The following TPTE variants were observed in gnomAD, a reference collection of about 807,000 sequenced individuals.
TPTE encodes transmembrane phosphatase with tensin homology.
In TPTE, 59 loss-of-function variants were observed where a neutral mutation model predicts 84.1. That is an observed-to-expected ratio of 0.70 (90% CI 0.57 to 0.87). The LOEUF (loss-of-function observed/expected upper bound fraction) is 0.87, where lower values mean the gene tolerates loss of function less well. Among genes scored for constraint, TPTE ranks in the 40% least tolerant of loss-of-function variants. The probability of loss-of-function intolerance (pLI) is 0.00; values close to 1 mark genes in which losing one functional copy is unlikely to be tolerated. For missense variants in TPTE, 382 were observed against 659.6 expected (o/e 0.58, Z 4.61); for synonymous variants, 130 against 223.5 (o/e 0.58, Z 3.73).
chr21:10,587,630 A>G (rs1203549446), intron 17 of TPTE, among the ~76,000 whole-genome samples: 3 of 152,290 alleles, frequency 2.0e-5, no homozygotes, highest in African/African-American at 7.2e-5. Context: ...GCTCACTGCA[A>G]CCTCCACCTC....
At chr21:10,556,290 G>T (rs1337203248) in intron 8 of TPTE, among the ~76,000 whole-genome samples, 5 of 152,310 alleles carry the variant, frequency 3.3e-5, no homozygotes, top group Admixed American at 6.5e-5. Flanking sequence ...AGAACATGCA[G>T]TGTTTGGTTT....
intron 9 of TPTE, 49 bp downstream of exon 9, chr21:10,559,593 G>A (rs564800167): frequency 1.2e-6 from 2 of 1,611,488 alleles, no homozygotes; most frequent in African/African-American, 2.7e-5. Context: ...CTGAGACTTG[G>A]CTGGGCACGG....
Position 10,574,770 on chromosome 21 carries a change from C to A in TPTE, c.796-2690C>A, listed in dbSNP as rs375743023. Among the ~76,000 whole-genome samples the A allele has an allele frequency of 1.8e-3, 279 of 151,806 alleles. No homozygotes were observed. The East Asian group carries it at 0.021, about 11-fold the overall frequency. On this transcript the variant is annotated intron_variant, in intron 14 of 23. Transcript: ENST00000618007. ...CCTGCCCGGGAAACCGTGTTTCTCT[C>A]ATGGATCTTTGCAAGCCGTGGATCA... is the stretch of plus-strand genomic sequence containing the variant.
At chr21:10,545,760 T>C (rs1333413891) in intron 7 of TPTE, among the ~76,000 whole-genome samples, 6 of 151,766 alleles carry the variant, frequency 4.0e-5, no homozygotes, top group South Asian at 2.1e-4. Context: ...TATATAGATA[T>C]AGATACACAT....
intron 21 of TPTE, among the ~76,000 whole-genome samples, chr21:10,598,629 C>A (rs1179093616): frequency 6.6e-6 from 1 of 152,424 alleles, no homozygotes; most frequent in Non-Finnish European, 1.5e-5. Context: ...TGTGGGATGA[C>A]CCTGTGAGAA....
At chr21:10,542,844 TAGG>T (rs2074395756) in intron 6 of TPTE, among the ~76,000 whole-genome samples, 1 of 152,302 alleles carries the variant, frequency 6.6e-6, no homozygotes, top group Non-Finnish European at 1.5e-5. Context: ...GAGCAGGTCG[TAGG>T]AGATTTGCTT....
rs1925904 is a variant in TPTE at position 10,576,601 on chromosome 21, T to C, written c.796-859T>C. 9.5e-3 allele frequency: 1,417 copies of C among 149,908 alleles called. No individual in the cohort carries two copies. In the East Asian group the frequency reaches 0.1, roughly 11 times the overall value. The allele number at this position is 149,908 out of a possible 1,614,324, so 9.3% of individuals were successfully genotyped here. On this transcript the variant is annotated intron_variant, in intron 14 of 23. Coordinates refer to ENST00000618007, the MANE Select transcript of TPTE (RefSeq NM_199261.4). ...TAGCCAGTTTAATAAATGGATGACT[T>C]TGATACCTTCATTTTATTTTTCTCA...
intron 3 of TPTE, among the ~76,000 whole-genome samples, chr21:10,535,025 A>C (rs892575680): frequency 6.6e-6 from 1 of 152,310 alleles, no homozygotes; most frequent in Non-Finnish European, 1.5e-5. Flanking sequence ...GGTTGTCAGT[A>C]GGGTTGGCTT....
chr21:10,590,732 G>T (rs1309061539), intron 18 of TPTE, among the ~76,000 whole-genome samples: 4 of 152,310 alleles, frequency 2.6e-5, no homozygotes, highest in Non-Finnish European at 5.9e-5. Context: ...TTTGGGCCAG[G>T]ACTAGAGTGA....
intron 3 of TPTE, among the ~76,000 whole-genome samples, chr21:10,537,723 A>C (rs1201688192): frequency 6.6e-6 from 1 of 152,298 alleles, no homozygotes; most frequent in Non-Finnish European, 1.5e-5. Flanking sequence ...ATCAATATAG[A>C]TATAAGGATA....
At chr21:10,548,534 G>A (rs375810044) in intron 7 of TPTE, among the ~76,000 whole-genome samples, 2 of 152,310 alleles carry the variant, frequency 1.3e-5, no homozygotes, top group African/African-American at 4.8e-5. Context: ...CAGGCCAGCT[G>A]AGCAGCAGTG....
At chr21:10,552,811 A>C (rs1358195483) in intron 8 of TPTE, 95 bp downstream of exon 8, 1 of 1,602,540 alleles carries the variant, frequency 6.2e-7, no homozygotes, top group African/African-American at 1.3e-5. Context: ...GGAAAAAGGG[A>C]AACTATGGAA....
At chr21:10,527,878 G>A (rs1456976288) in intron 3 of TPTE, among the ~76,000 whole-genome samples, 2 of 152,286 alleles carry the variant, frequency 1.3e-5, no homozygotes, top group Non-Finnish European at 2.9e-5. Context: ...TGTGACTCAT[G>A]AAGAGCATGA....
intron 17 of TPTE, among the ~76,000 whole-genome samples, chr21:10,585,670 T>C (rs1189103086): frequency 6.6e-6 from 1 of 152,310 alleles, no homozygotes; most frequent in South Asian, 2.1e-4. Context: ...GCATGCTGAT[T>C]TTTTTCCTTC....
intron 14 of TPTE, among the ~76,000 whole-genome samples, chr21:10,576,023 C>T (rs887238894): frequency 1.3e-5 from 2 of 152,304 alleles, no homozygotes; most frequent in African/African-American, 2.4e-5. Context: ...GTGGCAATTC[C>T]TCAAAGACCT....
At chr21:10,563,664 CAAG>C (rs1215918259) in intron 10 of TPTE, among the ~76,000 whole-genome samples, 5 of 152,252 alleles carry the variant, frequency 3.3e-5, no homozygotes, top group African/African-American at 7.2e-5. Flanking sequence ...AAATAAAAAA[CAAG>C]AAACTAAATC....
At chr21:10,561,702 ACAGCT>A (rs1319589671) in intron 10 of TPTE, among the ~76,000 whole-genome samples, 2 of 152,304 alleles carry the variant, frequency 1.3e-5, no homozygotes, top group African/African-American at 4.8e-5. Context: ...GGTTTGAGTG[ACAGCT>A]CAGCCATAGC....
At chr21:10,553,067 T>G (rs1453169460) in intron 8 of TPTE, among the ~76,000 whole-genome samples, 1 of 152,306 alleles carries the variant, frequency 6.6e-6, no homozygotes, top group African/African-American at 2.4e-5. Flanking sequence ...TATGGTGTGA[T>G]TCCCAATTTT....
At chr21:10,597,293 G>A (rs2075605815) in intron 20 of TPTE, among the ~76,000 whole-genome samples, 1 of 152,238 alleles carries the variant, frequency 6.6e-6, no homozygotes. Flanking sequence ...TAGGGCCAAA[G>A]TACTTAAACG....
Sources: gnomAD v4.1 joint callset for allele counts (sites outside exome capture counted in the v4.1 genomes callset) on GRCh38, gnomAD v4.1.1 for gene constraint, MANE v1.5 for transcripts, NCBI Gene and HGNC (gene_info 2026-07-23, HGNC 2026-07-21) for gene names.